The following BMP4 variants were observed in gnomAD, a reference collection of about 807,000 sequenced individuals.
The protein encoded by BMP4 is bone morphogenetic protein 2B.
A neutral mutation model predicts 29.6 loss-of-function variants in BMP4; 3 were observed. That is an observed-to-expected ratio of 0.10 (90% CI 0.05 to 0.26). The LOEUF (loss-of-function observed/expected upper bound fraction) is 0.26, where lower values mean the gene tolerates loss of function less well. Among genes scored for constraint, BMP4 ranks in the 10% least tolerant of loss-of-function variants. The probability of loss-of-function intolerance (pLI) is 1.00; values close to 1 mark genes in which losing one functional copy is unlikely to be tolerated. For synonymous variants in BMP4, 197 were observed against 213.2 expected (o/e 0.92, Z 0.66); for missense variants, 455 against 550.2 (o/e 0.83, Z 1.73).
chr14:53,956,102 C>G (rs995476834), intron 1 of BMP4: 2 of 154,322 alleles, frequency 1.3e-5, no homozygotes, highest in African/African-American at 4.8e-5. Flanking sequence ...ACCGCAGAAC[C>G]TGCTCCAGCT....
In BMP4 at chr14:53,950,224, C is replaced by T; in HGVS notation, c.1035G>A (p.Leu345=). Residue 345 remains leucine (L), a synonymous_variant, in exon 4 of 4, where the codon CTG becomes CTA. Coordinates refer to ENST00000245451, the MANE Select transcript of BMP4 (RefSeq NM_001202.6). This position sits in a 1 kb window ranked among gnomAD's most constrained non-coding sequence, Gnocchi z 5.4. ...GGTTGGTTGAGTTGAGGTGGTCAGC[C>T]AGTGGAAAGGGGCAGTCCCCATGGC... ...FYCHGDCPFP[L]ADHLNSTNHA... 6.2e-7 allele frequency: 1 copy of T among 1,614,224 alleles called. No individual in the cohort carries two copies. Among genetic ancestry groups the T allele is most frequent in the Non-Finnish European group, 8.5e-7 (1 of 1,180,042 alleles).
chr14:53,956,482 C>G (rs968566900), intron 1 of BMP4, 68 bp downstream of exon 1: 3 of 399,212 alleles, frequency 7.5e-6, no homozygotes, highest in African/African-American at 6.2e-5. Flanking sequence ...CTGTGACCAG[C>G]TTCTTCCCCC....
At position 53,952,058 on chromosome 14, in the gene BMP4, C is replaced by A; in HGVS notation, c.165G>T (p.Arg55=). Residue 55 remains arginine, a synonymous_variant, in exon 3 of 4, where the codon CGG becomes CGT. Transcript: ENST00000245451. Reference sequence around the variant, plus strand: ...TCTGCAGAAGTGTCGCCTCGAAGTCCCGCAGGAGCTCATGGCTCTGCCCTG... The same window carrying A: ...TCTGCAGAAGTGTCGCCTCGAAGTCACGCAGGAGCTCATGGCTCTGCCCTG... ...RRSGQSHELL[R]DFEATLLQMF... 6 of 1,614,212 alleles carry A rather than the reference C, an allele frequency of 3.7e-6. No individual in the cohort carries two copies. The highest frequency in any genetic ancestry group is 5.1e-6 in the Non-Finnish European group (6 of 1,180,040).
chr14:53,951,037 C>G, intron 3 of BMP4, 149 bp from the exon 4 acceptor site: 6 of 1,131,282 alleles, frequency 5.3e-6, no homozygotes, highest in Non-Finnish European at 7.7e-6. Context: ...AAGCATACCC[C>G]TTAATTTGAA....
Position 53,950,080 on chromosome 14 carries a change from T to C in BMP4, c.1179A>G (p.Val393=), listed in dbSNP as rs1375945940. 6.2e-7 allele frequency: 1 copy of C among 1,614,066 alleles called. No homozygotes were observed. The highest frequency in any genetic ancestry group is 1.3e-5 in the African/African-American group (1 of 74,910). ...CTACCATCTCCTGATAATTTTTCAG[T>C]ACCACCTTATCATACTCATCCAGGT... The part of the protein sequence containing the change: ...MLYLDEYDKV[V]LKNYQEMVVE... Residue 393 remains valine, a synonymous_variant, in exon 4 of 4, where the codon GTA becomes GTG. Transcript: ENST00000245451. This position sits in a 1 kb window ranked among gnomAD's most constrained non-coding sequence, Gnocchi z 5.4.
Position 53,949,853 on chromosome 14 carries a change from A to C in BMP4, c.*179T>G. On this transcript the variant is annotated 3_prime_UTR_variant, in exon 4 of 4. Transcript: ENST00000245451. Reference sequence around the variant, plus strand: ...ACATTTGCACGTAAAGTCATAAATAAGGTCAAGGTGAATGTTTAGGGATTT... The same window carrying C: ...ACATTTGCACGTAAAGTCATAAATACGGTCAAGGTGAATGTTTAGGGATTT... 1 of 644,410 alleles carries C rather than the reference A, an allele frequency of 1.6e-6. No individual in the cohort carries two copies. 39.9% of individuals were successfully genotyped at this position (644,410 alleles called of 1,614,324 possible).
Position 53,954,453 on chromosome 14 carries a change from G to A in BMP4, c.-132-1053C>T, listed in dbSNP as rs1223494950. ...CCCGGAGTCGAGAAAACGGTGAACAGCTTTCGGCCTGCGCTCGACCTCTGC... is the reference window on the plus strand; with the variant it reads ...CCCGGAGTCGAGAAAACGGTGAACAACTTTCGGCCTGCGCTCGACCTCTGC... On this transcript the variant is annotated intron_variant, in intron 1 of 3. Coordinates refer to ENST00000245451, the MANE Select transcript of BMP4 (RefSeq NM_001202.6). This position sits in a 1 kb window ranked among gnomAD's most constrained non-coding sequence, Gnocchi z 4.8. 6.6e-6 allele frequency: 1 copy of A among 152,090 alleles called. No homozygotes were observed. 9.4% of individuals were successfully genotyped at this position (152,090 alleles called of 1,614,324 possible).
chr14:53,954,411 GA>G lies in BMP4; in HGVS notation c.-132-1012del, dbSNP rs905007269. The G allele has an allele frequency of 6.6e-6, 1 of 152,144 alleles. No individual in the cohort carries two copies. Among genetic ancestry groups the G allele is most frequent in the African/African-American group, 2.4e-5 (1 of 41,432 alleles). 9.4% of individuals were successfully genotyped at this position (152,144 alleles called of 1,614,324 possible). On this transcript the variant is annotated intron_variant, in intron 1 of 3. Coordinates refer to ENST00000245451, the MANE Select transcript of BMP4 (RefSeq NM_001202.6). The surrounding 1 kb of genome is among the most constrained non-coding windows in gnomAD (Gnocchi z 4.8). ...ACAACTCCCGACCCGGCGCAGAAAG[GA>G]AATCCCACCATGTTCCCCGGAGTCG...
intron 3 of BMP4, 23 bp downstream of exon 3, chr14:53,951,830 G>C (rs544919516): frequency 6.3e-7 from 1 of 1,597,914 alleles, no homozygotes; most frequent in East Asian, 2.2e-5. Context: ...CCTCCCCCAC[G>C]CAGACTGGGG....
At position 53,950,767 on chromosome 14, in the gene BMP4, C is replaced by G; in HGVS notation, c.492G>C (p.Gln164His). 6.2e-7 allele frequency: 1 copy of G among 1,613,898 alleles called. No individual in the cohort carries two copies. The highest frequency in any genetic ancestry group is 8.5e-7 in the Non-Finnish European group (1 of 1,179,992). Residue 164 changes from glutamine (Q) to histidine (H), a missense_variant, in exon 4 of 4, where the codon CAG becomes CAC. Physicochemically the swap from Gln to His is conservative, Grantham distance 24. Transcript: ENST00000245451. The surrounding 1 kb of genome is among the most constrained non-coding windows in gnomAD (Gnocchi z 5.4). The stretch of plus-strand genomic sequence containing the variant: ...TTTCCCAATCAGGGCCCTGGTCCAC[C>G]TGCTCCCGGAAGAGCCGAAGCTCTG... ...SSAELRLFRE[Q>H]VDQGPDWERG...
Position 53,953,380 on chromosome 14 carries a change from GA to G in BMP4, c.-113del. On this transcript the variant is annotated 5_prime_UTR_variant, in exon 2 of 4. An upstream open reading frame in the 5' UTR loses its in-frame stop. Coordinates refer to ENST00000245451, the MANE Select transcript of BMP4 (RefSeq NM_001202.6). The stretch of plus-strand genomic sequence containing the variant: ...GAAGCTGCAGCAGTGCGTTGCTCGG[GA>G]TGGCACTACGGAATGGCTCCTAAAA... The G allele has an allele frequency of 2.5e-6, 1 of 399,226 alleles. No individual in the cohort carries two copies. The highest frequency in any genetic ancestry group is 4.4e-6 in the Non-Finnish European group (1 of 226,150). The allele number at this position is 399,226 out of a possible 1,614,324, so 24.7% of individuals were successfully genotyped here.
Position 53,955,109 on chromosome 14 carries a change from G to A in BMP4, c.-133+1441C>T, listed in dbSNP as rs1469792454. Among the ~76,000 whole-genome samples, 1 of 152,188 alleles carries A rather than the reference G, an allele frequency of 6.6e-6. No homozygotes were observed. Among genetic ancestry groups the A allele is most frequent in the African/African-American group, 2.4e-5 (1 of 41,458 alleles). ...CGGCTTTCGCCTTTGCTGGTCCCGC[G>A]CCACCGCTGGGGCGGGCTGCGAAAG... On this transcript the variant is annotated intron_variant, in intron 1 of 3. Transcript: ENST00000245451. This position sits in a 1 kb window ranked among gnomAD's most constrained non-coding sequence, Gnocchi z 4.0.
In BMP4 at chr14:53,949,887, T is replaced by C. The variant is rs1895278466; in HGVS notation, c.*145A>G. The C allele has an allele frequency of 3.4e-6, 3 of 895,362 alleles. No individual in the cohort carries two copies. The highest frequency in any genetic ancestry group is 4.8e-6 in the Non-Finnish European group (3 of 621,602). The allele number at this position is 895,362 out of a possible 1,614,324, so 55.5% of individuals were successfully genotyped here. ...TGAATGTTTAGGGATTTTTTCCTTT[T>C]TTTTTTTTTTTTTTAAATAAAAGTC... On this transcript the variant is annotated 3_prime_UTR_variant, in exon 4 of 4. Coordinates refer to ENST00000245451, the MANE Select transcript of BMP4 (RefSeq NM_001202.6).
chr14:53,949,819 A>G lies in BMP4; in HGVS notation c.*213T>C, dbSNP rs1280510628. On this transcript the variant is annotated 3_prime_UTR_variant, in exon 4 of 4. Transcript: ENST00000245451. ...TATTTTGTCAAAATATATGATCAAT[A>G]TGGTCAAAACATTTGCACGTAAAGT... 6 of 524,816 alleles carry G rather than the reference A, an allele frequency of 1.1e-5. No homozygotes were observed. Among genetic ancestry groups the G allele is most frequent in the East Asian group, 3.0e-5 (1 of 33,280 alleles). 32.5% of individuals were successfully genotyped at this position (524,816 alleles called of 1,614,324 possible).
Position 53,952,051 on chromosome 14 carries a change from C to G in BMP4, c.172G>C (p.Glu58Gln), listed in dbSNP as rs773516930. 4 of 1,614,184 alleles carry G rather than the reference C, an allele frequency of 2.5e-6. No individual in the cohort carries two copies. Among genetic ancestry groups the G allele is most frequent in the East Asian group, 4.5e-5 (2 of 44,868 alleles). The change falls in exon 3 of 4, where the codon GAG becomes CAG. Residue 58 changes from glutamate (E) to glutamine (Q), a missense_variant. Transcript: ENST00000245451. ...CCAAACATCTGCAGAAGTGTCGCCT[C>G]GAAGTCCCGCAGGAGCTCATGGCTC... The part of the protein sequence containing the change: ...GQSHELLRDF[E>Q]ATLLQMFGLR...
intron 3 of BMP4, 147 bp from the exon 4 acceptor site, chr14:53,951,035 C>A: frequency 8.8e-7 from 1 of 1,134,906 alleles, no homozygotes; most frequent in Non-Finnish European, 1.3e-6. Context: ...ATAAGCATAC[C>A]CCTTAATTTG....
rs891213396 is a variant in BMP4 at position 53,955,020 on chromosome 14, T to G, written c.-133+1530A>C. Among the ~76,000 whole-genome samples, 3 of 152,050 alleles carry G rather than the reference T, an allele frequency of 2.0e-5. No individual in the cohort carries two copies. Among genetic ancestry groups the G allele is most frequent in the Non-Finnish European group, 4.4e-5 (3 of 67,972 alleles). On this transcript the variant is annotated intron_variant, in intron 1 of 3. Transcript: ENST00000245451. This position sits in a 1 kb window ranked among gnomAD's most constrained non-coding sequence, Gnocchi z 4.0. ...TGGATGCCCGGAGTCGACCAACACC[T>G]CAGGTCCGGGTGCGGAGGCCGCGGG...
intron 1 of BMP4, 121 bp from the exon 2 acceptor site, chr14:53,953,521 G>T (rs1482415894): frequency 2.3e-5 from 9 of 391,614 alleles, no homozygotes; most frequent in Non-Finnish European, 4.1e-5. Context: ...AAGGGCTTGC[G>T]CGCCCTCCCC....
chr14:53,953,095 T>G (rs1288204801), intron 2 of BMP4, among the ~76,000 whole-genome samples, 181 bp downstream of exon 2: 1 of 152,082 alleles, frequency 6.6e-6, no homozygotes, highest in African/African-American at 2.4e-5. Flanking sequence ...TAGCAGCACT[T>G]TAAAAGGAAC....
Sources: allele counts gnomAD v4.1 joint callset (sites outside exome capture counted in the v4.1 genomes callset), GRCh38; gene constraint gnomAD v4.1.1; non-coding constraint Gnocchi (gnomAD v3.1); transcripts MANE v1.5; gene names NCBI Gene and HGNC (gene_info 2026-07-23, HGNC 2026-07-21).